KHDRBS2: variants seen among roughly 807,000 people sequenced by gnomAD.
KHDRBS2 encodes KH domain-containing, RNA-binding, signal transduction-associated protein 2.
KHDRBS2 carries 26 observed loss-of-function variants against 44.3 expected under a neutral mutation model. The ratio of observed to expected loss-of-function variants is 0.59; its 90% CI spans 0.43 to 0.81. KHDRBS2 has a LOEUF of 0.81. KHDRBS2 is among the 40% of genes least tolerant of loss of function. The probability of loss-of-function intolerance (pLI) is 0.00; values close to 1 mark genes in which losing one functional copy is unlikely to be tolerated. For synonymous variants in KHDRBS2, 194 were observed against 151.1 expected, an observed-to-expected ratio of 1.28 and a Z score of -2.08; for missense variants, 476 against 433.1, an observed-to-expected ratio of 1.10 and a Z score of -0.88.
intron 3 of KHDRBS2, among the ~76,000 whole-genome samples, chr6:62,027,671 A>T (rs1201880325): frequency 6.6e-6 from 1 of 152,092 alleles, no homozygotes; most frequent in Non-Finnish European, 1.5e-5. Flanking sequence ...TACCTTGTCA[A>T]TGATTTAATA....
intron 1 of KHDRBS2, among the ~76,000 whole-genome samples, chr6:62,242,572 G>A (rs529776590): frequency 5.9e-5 from 9 of 151,786 alleles, no homozygotes; most frequent in Admixed American, 3.9e-4. Context: ...TTAGATGAAC[G>A]GTATTTATTG....
At chr6:61,671,500 T>C in the KHDRBS2 span, among the ~76,000 whole-genome samples, 17 of 151,824 alleles carry the variant, frequency 1.1e-4, no homozygotes, top group South Asian at 4.1e-4. Flanking sequence ...GAAAACAACA[T>C]ATCAAGTAGA....
intron 2 of KHDRBS2, among the ~76,000 whole-genome samples, chr6:62,107,397 G>T (rs1803695759): frequency 6.6e-6 from 1 of 152,088 alleles, no homozygotes; most frequent in Admixed American, 6.6e-5. Context: ...GGACGTGAAG[G>T]ACCTCTTCAA....
intron 4 of KHDRBS2, among the ~76,000 whole-genome samples, chr6:61,956,903 T>TTTC (rs1237383932): frequency 3.0e-5 from 2 of 67,102 alleles, no homozygotes; most frequent in South Asian, 6.1e-4. Flanking sequence ...AGTTATTGGT[T>TTTC]TTCATCATCA....
intron 2 of KHDRBS2, among the ~76,000 whole-genome samples, chr6:62,156,797 G>A (rs1373232913): frequency 1.3e-5 from 2 of 150,180 alleles, no homozygotes; most frequent in Non-Finnish European, 3.0e-5. Context: ...TCAGCCTCCT[G>A]AGTAGCTGGG....
chr6:62,254,306 T>C (rs777364292), intron 1 of KHDRBS2, among the ~76,000 whole-genome samples: 3 of 152,060 alleles, frequency 2.0e-5, no homozygotes, highest in Non-Finnish European at 4.4e-5. Context: ...ATTCAACAAA[T>C]ATTTGAATCA....
At chr6:61,718,549 C>T (rs1302132082) in intron 7 of KHDRBS2, among the ~76,000 whole-genome samples, 6 of 152,110 alleles carry the variant, frequency 3.9e-5, no homozygotes, top group African/African-American at 1.2e-4. Context: ...ATGGCAACAC[C>T]GTCTATTGGA....
the KHDRBS2 span, among the ~76,000 whole-genome samples, chr6:61,585,519 T>A: frequency 6.6e-6 from 1 of 152,174 alleles, no homozygotes. Context: ...TTCTCTAAGA[T>A]AAGAGGCTTA....
At chr6:61,674,871 G>A in the KHDRBS2 span, among the ~76,000 whole-genome samples, 15 of 151,738 alleles carry the variant, frequency 9.9e-5, no homozygotes, top group Non-Finnish European at 2.1e-4. Flanking sequence ...AAAATATAGA[G>A]AGAATGATAT....
intron 1 of KHDRBS2, among the ~76,000 whole-genome samples, chr6:62,238,069 A>AC (rs1833991604): frequency 6.6e-6 from 1 of 151,934 alleles, no homozygotes; most frequent in African/African-American, 2.4e-5. Flanking sequence ...AAAAAAAAAA[A>AC]AATTGATATA....
the KHDRBS2 span, among the ~76,000 whole-genome samples, chr6:61,573,144 C>T: frequency 3.3e-5 from 5 of 152,116 alleles, no homozygotes; most frequent in Non-Finnish European, 7.4e-5. Flanking sequence ...AATCAATGTA[C>T]ACAAGTCAGT....
intron 6 of KHDRBS2, among the ~76,000 whole-genome samples, chr6:61,796,403 A>G (rs980738984): frequency 5.9e-5 from 9 of 152,124 alleles, no homozygotes; most frequent in Non-Finnish European, 5.9e-5. Flanking sequence ...TATATCTTTC[A>G]GTGATGTACT....
chr6:61,871,228 T>C (rs1362475743), intron 6 of KHDRBS2, among the ~76,000 whole-genome samples: 5 of 152,198 alleles, frequency 3.3e-5, no homozygotes, highest in Non-Finnish European at 7.3e-5. Context: ...TATCCATAGC[T>C]GGATTGATCA....
chr6:62,213,153 G>T (rs1829370518), intron 1 of KHDRBS2, among the ~76,000 whole-genome samples: 4 of 152,158 alleles, frequency 2.6e-5, no homozygotes, highest in Admixed American at 2.6e-4. Context: ...GTTCATAATA[G>T]CTATCAATAT....
In KHDRBS2 at chr6:62,273,049, C is replaced by T. The variant is rs141182706; in HGVS notation, c.91+12809G>A. 5.2e-3 allele frequency among the ~76,000 whole-genome samples: 791 copies of T among 152,274 alleles called. 10 individuals carry two copies. Among genetic ancestry groups the T allele is most frequent in the African/African-American group, 0.018 (754 of 41,568 alleles). ...AGTTAAAGTACTTCACTCAGAATAA[C>T]ATGGGTCTTTAATTCTAGGAAGAAA... On this transcript the variant is annotated intron_variant, in intron 1 of 8. Coordinates refer to ENST00000281156, the MANE Select transcript of KHDRBS2 (RefSeq NM_152688.4).
chr6:61,803,841 A>G (rs732723), intron 6 of KHDRBS2, among the ~76,000 whole-genome samples: 69,160 of 151,724 alleles, frequency 0.46, 16,573 homozygotes, highest in African/African-American at 0.59. Flanking sequence ...GAACTCACTC[A>G]CCATCACAAG....
At chr6:61,654,465 C>T in the KHDRBS2 span, among the ~76,000 whole-genome samples, 1 of 151,788 alleles carries the variant, frequency 6.6e-6, no homozygotes, top group Non-Finnish European at 1.5e-5. Context: ...GGAGAGAGAA[C>T]TGCACTTCTG....
At chr6:61,891,576 G>A (rs1312030171) in intron 6 of KHDRBS2, among the ~76,000 whole-genome samples, 1 of 151,930 alleles carries the variant, frequency 6.6e-6, no homozygotes, top group African/African-American at 2.4e-5. Context: ...ACTGTTTTTG[G>A]GATGCAAGAC....
intron 6 of KHDRBS2, among the ~76,000 whole-genome samples, chr6:61,861,655 G>GTT (rs1275266652): frequency 1.0e-4 from 13 of 129,706 alleles, no homozygotes; most frequent in Non-Finnish European, 1.5e-4. Flanking sequence ...GATGCCTCCA[G>GTT]TTTTGTTTTT....
Sources: allele counts gnomAD v4.1 joint callset (sites outside exome capture counted in the v4.1 genomes callset), GRCh38; gene constraint gnomAD v4.1.1; transcripts MANE v1.5; gene names NCBI Gene and HGNC (gene_info 2026-07-23, HGNC 2026-07-21).